KCNMA1: variants seen among roughly 807,000 people sequenced by gnomAD.
KCNMA1 encodes Calcium-activated potassium channel subunit alpha-1.
In KCNMA1, 29 loss-of-function variants were observed where a neutral mutation model predicts 140.0. The observed-to-expected ratio is 0.21, with a 90% CI of 0.15 to 0.28. The LOEUF (loss-of-function observed/expected upper bound fraction) is 0.28. Among genes scored for constraint, KCNMA1 ranks in the 10% least tolerant of loss-of-function variants. KCNMA1 has a pLI of 1.00. For synonymous variants in KCNMA1, 612 were observed against 611.9 expected (o/e 1.00, Z 0.00); for missense variants, 880 against 1,602.2 (o/e 0.55, Z 7.70).
At position 77,328,670 on chromosome 10, in the gene KCNMA1, C is replaced by T. The variant is rs530077540; in HGVS notation, c.540+75192G>A. On this transcript the variant is annotated intron_variant, in intron 2 of 27. Transcript: ENST00000286628. Reference sequence around the variant, plus strand: ...TTCCCTTTTGCAAATAGTTGAAGACCTCTTCTGATGCAAATGGTATCAACA... The same window carrying T: ...TTCCCTTTTGCAAATAGTTGAAGACTTCTTCTGATGCAAATGGTATCAACA... Among the ~76,000 whole-genome samples, 30 of 152,274 alleles carry T rather than the reference C, an allele frequency of 2.0e-4. No individual in the cohort carries two copies. In the East Asian group the frequency reaches 3.7e-3, roughly 19 times the overall value.
At chr10:77,433,708 G>T (rs1055033932) in intron 1 of KCNMA1, 1 of 152,084 alleles carries the variant, frequency 6.6e-6, no homozygotes, top group African/African-American at 2.4e-5. Context: ...TAACAAATGC[G>T]CCAACAATAT....
At chr10:77,026,457 T>C (rs1313590958) in intron 16 of KCNMA1, among the ~76,000 whole-genome samples, 1 of 152,228 alleles carries the variant, frequency 6.6e-6, no homozygotes, top group Admixed American at 6.5e-5. Context: ...AAGTGAGTAT[T>C]GGCAAAAACA....
At chr10:77,393,894 C>A (rs1166519608) in intron 2 of KCNMA1, among the ~76,000 whole-genome samples, 2 of 152,234 alleles carry the variant, frequency 1.3e-5, no homozygotes, top group Non-Finnish European at 2.9e-5. Flanking sequence ...AAGACAGGAC[C>A]GGCAGAAGCA....
chr10:77,348,898 T>A (rs138421909), intron 2 of KCNMA1, among the ~76,000 whole-genome samples: 91 of 151,994 alleles, frequency 6.0e-4, no homozygotes, highest in African/African-American at 1.8e-3. Context: ...AAAAGCCACA[T>A]CCCTCTCTCT....
intron 3 of KCNMA1, among the ~76,000 whole-genome samples, chr10:77,186,387 A>C (rs538198986): frequency 1.3e-5 from 2 of 151,516 alleles, no homozygotes; most frequent in South Asian, 4.2e-4. Flanking sequence ...ACAAAAAAAA[A>C]CGACAATTGC....
chr10:77,441,133 A>C (rs2097390044), intron 1 of KCNMA1, among the ~76,000 whole-genome samples: 1 of 152,126 alleles, frequency 6.6e-6, no homozygotes, highest in Non-Finnish European at 1.5e-5. Flanking sequence ...AAGAATCAAA[A>C]TTCAAAGGGC....
chr10:77,630,169 C>T (rs1391270912), intron 1 of KCNMA1, among the ~76,000 whole-genome samples: 1 of 152,214 alleles, frequency 6.6e-6, no homozygotes. Context: ...GAAAATCAGG[C>T]TGGCAGTCTT....
chr10:77,426,262 T>C (rs540367190), intron 1 of KCNMA1, among the ~76,000 whole-genome samples: 23 of 152,200 alleles, frequency 1.5e-4, no homozygotes, highest in Non-Finnish European at 3.2e-4. Flanking sequence ...CTTGCCTTGG[T>C]AAAGCTTTCT....
intron 14 of KCNMA1, chr10:77,064,050 C>T (rs2095850779): frequency 3.0e-6 from 3 of 985,272 alleles, no homozygotes; most frequent in Admixed American, 1.2e-4. Context: ...GGGCACCGGA[C>T]TCTGTGTATA....
At chr10:77,457,082 C>T (rs2097773454) in intron 1 of KCNMA1, among the ~76,000 whole-genome samples, 1 of 152,132 alleles carries the variant, frequency 6.6e-6, no homozygotes, top group Non-Finnish European at 1.5e-5. Context: ...TATGCCTGCA[C>T]TTCCTAGAAG....
intron 19 of KCNMA1, chr10:76,995,338 C>T (rs982697835): frequency 3.3e-5 from 10 of 306,282 alleles, no homozygotes; most frequent in African/African-American, 2.0e-4. Flanking sequence ...AGTTATGTCT[C>T]CCCAGACCCA....
intron 1 of KCNMA1, among the ~76,000 whole-genome samples, chr10:77,421,545 C>T (rs2096867253): frequency 6.6e-6 from 1 of 152,170 alleles, no homozygotes; most frequent in South Asian, 2.1e-4. Flanking sequence ...CAAAAGTGGC[C>T]TTAGACAATA....
At chr10:77,521,711 C>A (rs924486078) in intron 1 of KCNMA1, among the ~76,000 whole-genome samples, 1 of 152,134 alleles carries the variant, frequency 6.6e-6, no homozygotes, top group Non-Finnish European at 1.5e-5. Flanking sequence ...TTATTATATT[C>A]CCTTTCTCCA....
chr10:77,226,976 T>C (rs2051685948), intron 3 of KCNMA1, among the ~76,000 whole-genome samples: 1 of 152,188 alleles, frequency 6.6e-6, no homozygotes, highest in African/African-American at 2.4e-5. Flanking sequence ...GCCAGAATCC[T>C]CCTTCTTAGG....
At chr10:77,416,851 T>G (rs2096753271) in intron 1 of KCNMA1, among the ~76,000 whole-genome samples, 1 of 152,220 alleles carries the variant, frequency 6.6e-6, no homozygotes, top group Non-Finnish European at 1.5e-5. Context: ...TTTTGTTCTG[T>G]CCTGCTTTGT....
At chr10:77,631,104 CCCAAAAAAAAA>C (rs1323258041) in intron 1 of KCNMA1, among the ~76,000 whole-genome samples, 6 of 102,070 alleles carry the variant, frequency 5.9e-5, no homozygotes, top group African/African-American at 1.8e-4. Context: ...GAGACCCTGT[CCCAAAAAAAAA>C]AAAAAAAAAA....
intron 23 of KCNMA1, among the ~76,000 whole-genome samples, chr10:76,933,766 G>A (rs1438625771): frequency 6.6e-6 from 1 of 152,108 alleles, no homozygotes; most frequent in Non-Finnish European, 1.5e-5. Flanking sequence ...TCTGTAACAA[G>A]ATGCTCAAGG....
intron 2 of KCNMA1, among the ~76,000 whole-genome samples, chr10:77,306,659 G>A (rs140227366): frequency 1.6e-4 from 24 of 152,286 alleles, no homozygotes; most frequent in African/African-American, 5.1e-4. Context: ...TCTACCAGCC[G>A]CAGTTAGAAG....
intron 16 of KCNMA1, 40 bp downstream of exon 16, chr10:77,027,783 T>A (rs750716852): frequency 3.2e-6 from 5 of 1,559,770 alleles, no homozygotes; most frequent in Non-Finnish European, 4.4e-6. Flanking sequence ...ACTCTCACCA[T>A]CAAAAGTGTC....
Sources: allele counts gnomAD v4.1 joint callset (sites outside exome capture counted in the v4.1 genomes callset), GRCh38; gene constraint gnomAD v4.1.1; transcripts MANE v1.5; gene names NCBI Gene and HGNC (gene_info 2026-07-23, HGNC 2026-07-21).